The following AIFM1 variants were observed in gnomAD, a reference collection of about 807,000 sequenced individuals.
AIFM1 encodes apoptosis inducing factor mitochondria associated 1.
AIFM1 carries 3 observed loss-of-function variants against 51.7 expected under a neutral mutation model. That is an observed-to-expected ratio of 0.06 (90% CI 0.03 to 0.15). AIFM1 has a LOEUF of 0.15. Among genes scored for constraint, AIFM1 ranks in the 10% least tolerant of loss-of-function variants. The pLI is 1.00. For synonymous variants in AIFM1, 178 were observed against 179.4 expected, an observed-to-expected ratio of 0.99 and a Z score of 0.06; for missense variants, 330 against 476.8, an observed-to-expected ratio of 0.69 and a Z score of 2.87.
chrX:130,155,025 G>A, intron 2 of AIFM1: 1 of 848,973 alleles, frequency 1.2e-6, no homozygotes, highest in East Asian at 3.2e-5. Context: ...GACTGACAAT[G>A]TCCCTTTAAT....
chrX:130,146,958 G>A (rs886589281), intron 5 of AIFM1, among the ~76,000 whole-genome samples: 1 of 111,970 alleles, frequency 8.9e-6, no homozygotes, highest in Admixed American at 9.5e-5. Flanking sequence ...TCAGGAGATC[G>A]AGACCATCTT....
At chrX:130,148,878 A>G (rs1165794046) in intron 3 of AIFM1, among the ~76,000 whole-genome samples, 1 of 96,746 alleles carries the variant, frequency 1.0e-5, no homozygotes, top group African/African-American at 3.9e-5. Flanking sequence ...TCTCTTTTCC[A>G]TCTTTTCCAA....
rs1351090856 is a variant in AIFM1, at chrX:130,149,463, A to G, written c.349+6T>C. Reference sequence around the variant, plus strand: ...AAATCATAGCAAGACTTAAGGGAATACTCACCAGATAACGCGGCCTTTTTC... The same window carrying G: ...AAATCATAGCAAGACTTAAGGGAATGCTCACCAGATAACGCGGCCTTTTTC... On this transcript the variant is annotated splice_donor_region_variant and intron_variant, in intron 3 of 15. Transcript: ENST00000287295. 1.7e-6 allele frequency: 2 copies of G among 1,194,974 alleles called. No individual in the cohort carries two copies. Among genetic ancestry groups the G allele is most frequent in the Admixed American group, 4.3e-5 (2 of 45,986 alleles).
chrX:130,152,118 G>T (rs1394699381), intron 2 of AIFM1, among the ~76,000 whole-genome samples: 1 of 105,869 alleles, frequency 9.4e-6, no homozygotes, highest in East Asian at 2.9e-4. Context: ...GAAGAGAAAA[G>T]AAAAGAAAAA....
chrX:130,156,630 A>G, intron 1 of AIFM1, 27 bp from the exon 2 acceptor site: 1 of 1,201,010 alleles, frequency 8.3e-7, no homozygotes, highest in East Asian at 3.0e-5. Flanking sequence ...ATTAAGACAC[A>G]CACATACAAA....
Position 130,147,856 on chromosome X carries a change from G to C in AIFM1, c.370C>G (p.Pro124Ala). Reference protein sequence around the residue: ...ALSASEGEEVPQDKAPSHVPF... With the variant: ...ALSASEGEEVAQDKAPSHVPF... ...ACATGACTTGGCGCCTTGTCTTGAG[G>C]AACTTCCTCTCCTTCTGAAGCTGAA... The change falls in exon 4 of 16, where the codon CCT (proline) becomes GCT (alanine). Residue 124 changes from proline to alanine, a missense_variant. By Grantham distance (27) the Pro-to-Ala change is conservative (BLOSUM62 -1). Around this residue, in one of 4 missense-constraint regions of AIFM1, gnomAD observed 110 missense variants for 103.1 expected, o/e 1.07. Transcript: ENST00000287295. 1 of 1,211,572 alleles carries C rather than the reference G, an allele frequency of 8.3e-7. No individual in the cohort carries two copies. The highest frequency in any genetic ancestry group is 1.8e-5 in the South Asian group (1 of 56,985).
chrX:130,164,034 G>C (rs1336678291), intron 1 of AIFM1, among the ~76,000 whole-genome samples: 4 of 108,724 alleles, frequency 3.7e-5, no homozygotes, highest in South Asian at 4.0e-4. Context: ...CGGGCGTGGT[G>C]GCGGGTGCCT....
chrX:130,147,523 C>T lies in AIFM1; in HGVS notation c.575G>A (p.Arg192Gln), dbSNP rs761799145. 5.8e-6 allele frequency: 7 copies of T among 1,211,975 alleles called. No homozygotes were observed. In the East Asian group the frequency reaches 1.5e-4, roughly 26 times the overall value. Residue 192 changes from arginine (R) to glutamine (Q), a missense_variant, in exon 5 of 16, where the codon CGA (arginine) becomes CAA (glutamine). Physicochemically the swap from Arg to Gln is conservative, Grantham distance 43 (BLOSUM62 1). Around this residue, in one of 4 missense-constraint regions of AIFM1, gnomAD observed 152 missense variants for 292.8 expected, o/e 0.52. Transcript: ENST00000287295. ...CTCTTTTCCATTCCACTGTTTGAAT[C>T]GCAGTGTCTTTGTGACATTTGGGTC... ...SDDPNVTKTL[R>Q]FKQWNGKERS...
In AIFM1 at chrX:130,145,885, T is replaced by G. The variant is rs1393447077; in HGVS notation, c.606-316A>C. On this transcript the variant is annotated intron_variant, in intron 5 of 15. Transcript: ENST00000287295. ...AGGGATGCTGCTAAACATCCTATGA[T>G]GCACTGGACAGCTCCCCACCCCCAG... Among the ~76,000 whole-genome samples, 3 of 111,659 alleles carry G rather than the reference T, an allele frequency of 2.7e-5. No homozygotes were observed. In the East Asian group the frequency reaches 8.4e-4, roughly 31 times the overall value.
At chrX:130,155,905 A>G (rs1418635943) in intron 2 of AIFM1, among the ~76,000 whole-genome samples, 1 of 112,406 alleles carries the variant, frequency 8.9e-6, no homozygotes, top group East Asian at 2.8e-4. Context: ...ATTAAACACC[A>G]TATTTCTCAC....
In AIFM1 at chrX:130,165,767, A is replaced by G. The variant is rs2031513595; in HGVS notation, c.-111T>C. 1.6e-6 allele frequency: 1 copy of G among 634,331 alleles called. No homozygotes were observed. Among genetic ancestry groups the G allele is most frequent in the Non-Finnish European group, 2.6e-6 (1 of 387,959 alleles). The allele number at this position is 634,331 out of a possible 1,213,427, so 52.3% of individuals were successfully genotyped here. A position where few individuals can be genotyped will look rare whatever the true frequency, so the allele number is the denominator to read the frequency against. ...CCCCCAGTCTCTTCACACGCACATT[A>G]CGCAGACTCCTCCTCCCAGCTCCGG... On this transcript the variant is annotated 5_prime_UTR_variant, in exon 1 of 16. It removes the in-frame stop codon of an upstream open reading frame in the 5' UTR. Coordinates refer to ENST00000287295, the MANE Select transcript of AIFM1 (RefSeq NM_004208.4).
chrX:130,164,792 TATTA>T (rs888308443), intron 1 of AIFM1, among the ~76,000 whole-genome samples: 8 of 111,939 alleles, frequency 7.1e-5, no homozygotes, highest in Non-Finnish European at 1.1e-4. Flanking sequence ...TAGCTCTACC[TATTA>T]ATTAACTATG....
rs1285480966 is a variant in AIFM1 at position 130,130,148 on chromosome X, T to A, written c.1592A>T (p.Glu531Val). 3 of 1,211,989 alleles carry A rather than the reference T, an allele frequency of 2.5e-6. No homozygotes were observed. Among genetic ancestry groups the A allele is most frequent in the Non-Finnish European group, 3.3e-6 (3 of 895,543 alleles). ...TEQSGTGIRSESETESEASEI... is the reference protein window; with the variant it reads ...TEQSGTGIRSVSETESEASEI... ...TGAGGCCTCGGACTCTGTCTCACTC[T>A]CTGATCGGATACCAGTTCCTGTGGC... The change falls in exon 15 of 16, where the codon GAG becomes GTG. Residue 531 changes from glutamate to valine, a missense_variant. Coordinates refer to ENST00000287295, the MANE Select transcript of AIFM1 (RefSeq NM_004208.4).
At position 130,137,103 on chromosome X, in the gene AIFM1, G is replaced by T; in HGVS notation, c.1050C>A (p.Asn350Lys). The stretch of plus-strand genomic sequence containing the variant: ...CTCGTCTGACTTTTTCCATGGTCCA[G>T]TTGCTGAGGTATTCGGGGAGGATCT... ...MGKILPEYLSNWTMEKVRREG... is the reference protein window; with the variant it reads ...MGKILPEYLSKWTMEKVRREG... Residue 350 changes from asparagine to lysine, a missense_variant, in exon 10 of 16, where the codon AAC becomes AAA. Asn to Lys is a moderately conservative substitution (Grantham distance 94). Around this residue, in one of 4 missense-constraint regions of AIFM1, gnomAD observed 152 missense variants for 292.8 expected, o/e 0.52. Transcript: ENST00000287295. 1 of 1,211,491 alleles carries T rather than the reference G, an allele frequency of 8.3e-7. No individual in the cohort carries two copies. The highest frequency in any genetic ancestry group is 1.1e-6 in the Non-Finnish European group (1 of 895,361).
rs1170792825 is a variant in AIFM1, at chrX:130,145,529, C to T, written c.646G>A (p.Asp216Asn). ...CCACCATTCTCAATATGAGGCAGGT[C>T]CTGAGCAGAGACATAGAAAGAAGGT... ...QPPSFYVSAQ[D>N]LPHIENGGVA... Residue 216 changes from aspartate (D) to asparagine (N), a missense_variant, in exon 6 of 16, where the codon GAC becomes AAC. Transcript: ENST00000287295. The T allele has an allele frequency of 8.3e-7, 1 of 1,208,195 alleles. No individual in the cohort carries two copies. The highest frequency in any genetic ancestry group is 1.8e-5 in the African/African-American group (1 of 57,033).
chrX:130,133,302 A>G lies in AIFM1; in HGVS notation c.1448+11T>C, dbSNP rs2124648315. On this transcript the variant is annotated intron_variant, in intron 13 of 15. Transcript: ENST00000287295. ...GTAATCAGTTGGGTCTCCAAGGCAC[A>G]CCACTATTACCAGAACATTGACTGA... The G allele has an allele frequency of 8.3e-7, 1 of 1,210,791 alleles. No homozygotes were observed. Among genetic ancestry groups the G allele is most frequent in the Admixed American group, 2.2e-5 (1 of 45,929 alleles).
chrX:130,148,018 A>C, intron 3 of AIFM1, 142 bp from the exon 4 acceptor site: 2 of 742,366 alleles, frequency 2.7e-6, no homozygotes, highest in Non-Finnish European at 4.1e-6. Flanking sequence ...AATCTTAACA[A>C]TCTTCACAGC....
chrX:130,163,140 C>G (rs183226908), intron 1 of AIFM1, among the ~76,000 whole-genome samples: 1 of 109,638 alleles, frequency 9.1e-6, no homozygotes, highest in Admixed American at 9.8e-5. Context: ...GAAACCCCGT[C>G]TCTACTAAAA....
intron 3 of AIFM1, among the ~76,000 whole-genome samples, chrX:130,149,202 G>A (rs1177802346): frequency 1.5e-4 from 17 of 111,501 alleles, no homozygotes; most frequent in East Asian, 1.1e-3. Context: ...GATGACAGGC[G>A]TGAGCCACCG....
Sources: gnomAD v4.1 joint callset for allele counts (sites outside exome capture counted in the v4.1 genomes callset) on GRCh38, gnomAD v4.1.1 for gene constraint, gnomAD v4.1.1 regional missense constraint, MANE v1.5 for transcripts, NCBI Gene and HGNC (gene_info 2026-07-23, HGNC 2026-07-21) for gene names.